The following ADHFE1 variants were observed in gnomAD, a reference collection of about 807,000 sequenced individuals.
The protein encoded by ADHFE1 is alcohol dehydrogenase iron containing 1, also known as hydroxyacid-oxoacid transhydrogenase, mitochondrial.
A neutral mutation model predicts 54.8 loss-of-function variants in ADHFE1; 37 were observed. That is an observed-to-expected ratio of 0.68 (90% CI 0.52 to 0.89). The LOEUF is 0.89. Ranked by LOEUF, ADHFE1 falls within the 40% of genes least tolerant of loss-of-function variation. ADHFE1 has a pLI of 0.00. For synonymous variants in ADHFE1, 203 were observed against 229.3 expected, an observed-to-expected ratio of 0.89 and a Z score of 1.04; for missense variants, 601 against 591.2, an observed-to-expected ratio of 1.02 and a Z score of -0.17.
chr8:66,448,868 T>A lies in ADHFE1; in HGVS notation c.632T>A (p.Ile211Asn). The A allele has an allele frequency of 3.1e-6, 5 of 1,613,854 alleles. No homozygotes were observed. The highest frequency in any genetic ancestry group is 4.2e-6 in the Non-Finnish European group (5 of 1,179,850). The change falls in exon 8 of 14, where the codon ATC becomes AAC. Residue 211 changes from isoleucine (I) to asparagine (N), a missense_variant. Transcript: ENST00000396623. The stretch of plus-strand genomic sequence containing the variant: ...ACTGAAAATCCTTATGTTTTAGGCA[T>A]CACTTCGAGAGCCATCAAACCCACA... ...DYEHLKVKIG[I>N]TSRAIKPTLG...
chr8:66,432,564 G>A lies in ADHFE1; in HGVS notation c.48G>A (p.Leu16=), dbSNP rs536258924. 5 of 1,345,806 alleles carry A rather than the reference G, an allele frequency of 3.7e-6. No homozygotes were observed. Among genetic ancestry groups the A allele is most frequent in the African/African-American group, 3.0e-5 (2 of 66,548 alleles). 83.4% of individuals were successfully genotyped at this position (1,345,806 alleles called of 1,614,324 possible). The change falls in exon 1 of 14, where the codon CTG becomes CTA. Residue 16 remains leucine (L), a synonymous_variant. Transcript: ENST00000396623. The part of the protein sequence containing the change: ...RARVAYLLRQ[L]QRAACQCPTH... Reference sequence around the variant, plus strand: ...GGGTCGCGTACTTGCTGAGGCAACTGCAACGCGCAGCGTGAGTGCGGGGCC... The same window carrying A: ...GGGTCGCGTACTTGCTGAGGCAACTACAACGCGCAGCGTGAGTGCGGGGCC...
At chr8:66,442,637 G>A (rs2130374149) in intron 2 of ADHFE1, among the ~76,000 whole-genome samples, 161 bp from the exon 3 acceptor site, 1 of 152,234 alleles carries the variant, frequency 6.6e-6, no homozygotes, top group Non-Finnish European at 1.5e-5. Flanking sequence ...TAAAATACAG[G>A]TATTGATTTT....
intron 8 of ADHFE1, among the ~76,000 whole-genome samples, chr8:66,450,253 C>A (rs991014880): frequency 3.9e-5 from 6 of 152,254 alleles, no homozygotes; most frequent in Non-Finnish European, 2.9e-5. Flanking sequence ...TCCTTCCTAA[C>A]TGTAAAGTAC....
intron 10 of ADHFE1, among the ~76,000 whole-genome samples, chr8:66,455,522 G>A (rs2130446733): frequency 6.6e-6 from 1 of 152,308 alleles, no homozygotes; most frequent in East Asian, 1.9e-4. Context: ...AGCATAAATT[G>A]GCAACACCTT....
At chr8:66,435,568 A>G (rs1343982119) in intron 1 of ADHFE1, among the ~76,000 whole-genome samples, 1 of 148,170 alleles carries the variant, frequency 6.7e-6, no homozygotes, top group Non-Finnish European at 1.5e-5. Flanking sequence ...TAGGGCCCAC[A>G]CAGATCATCC....
intron 13 of ADHFE1, among the ~76,000 whole-genome samples, chr8:66,467,728 C>A (rs1249822395): frequency 2.0e-5 from 3 of 152,040 alleles, no homozygotes; most frequent in Non-Finnish European, 4.4e-5. Context: ...TGAATTGACT[C>A]AATAATCATT....
intron 12 of ADHFE1, among the ~76,000 whole-genome samples, chr8:66,458,078 T>G (rs568849593): frequency 2.6e-4 from 40 of 152,328 alleles, no homozygotes; most frequent in Admixed American, 2.3e-3. Context: ...TTACCAGAAA[T>G]AAAATGATAT....
chr8:66,454,538 C>G (rs1806471766), intron 10 of ADHFE1, among the ~76,000 whole-genome samples: 2 of 151,764 alleles, frequency 1.3e-5, no homozygotes, highest in African/African-American at 4.8e-5. Flanking sequence ...TACAATTCAC[C>G]CATTTAAAAT....
intron 8 of ADHFE1, among the ~76,000 whole-genome samples, chr8:66,450,814 G>T (rs923928406): frequency 1.1e-4 from 16 of 152,272 alleles, no homozygotes; most frequent in African/African-American, 3.9e-4. Context: ...CCTCATTCTT[G>T]CATTATTCAC....
At chr8:66,440,532 T>C (rs1805695937) in intron 2 of ADHFE1, among the ~76,000 whole-genome samples, 1 of 152,236 alleles carries the variant, frequency 6.6e-6, no homozygotes, top group South Asian at 2.1e-4. Flanking sequence ...ATGAAGTCTT[T>C]GGAAGGTTCT....
chr8:66,460,341 C>T lies in ADHFE1; in HGVS notation c.1196C>T (p.Ala399Val). Residue 399 changes from alanine to valine, a missense_variant, in exon 13 of 14, where the codon GCA (alanine) becomes GTA (valine). Ala to Val is a moderately conservative substitution (Grantham distance 64). Transcript: ENST00000396623. ...ADTRTARIQD[A>V]GLVLADTLRK... The stretch of plus-strand genomic sequence containing the variant: ...ACCCGCACTGCCAGGATCCAAGATG[C>T]AGGGCTGGTGTTGGCAGACACGCTC... 1 of 1,614,166 alleles carries T rather than the reference C, an allele frequency of 6.2e-7. No individual in the cohort carries two copies. Among genetic ancestry groups the T allele is most frequent in the South Asian group, 1.1e-5 (1 of 91,076 alleles).
chr8:66,458,515 T>TTAC (rs1333862263), intron 12 of ADHFE1, among the ~76,000 whole-genome samples: 5 of 152,226 alleles, frequency 3.3e-5, no homozygotes, highest in African/African-American at 1.2e-4. Flanking sequence ...CCTTTGTGTA[T>TTAC]ATTCAAAGCA....
Position 66,448,960 on chromosome 8 carries a change from G to A in ADHFE1, c.724G>A (p.Asp242Asn), listed in dbSNP as rs1563490446. The change falls in exon 8 of 14, where the codon GAT becomes AAT. Residue 242 changes from aspartate to asparagine, a missense_variant. Asp to Asn is a conservative substitution (Grantham distance 23). Coordinates refer to ENST00000396623, the MANE Select transcript of ADHFE1 (RefSeq NM_144650.3). Reference sequence around the variant, plus strand: ...CCGAGTGGTCGCCAACAGTGGCTTTGATGTGCTTTGGTAAGTGCTGGTGCC... The same window carrying A: ...CCGAGTGGTCGCCAACAGTGGCTTTAATGTGCTTTGGTAAGTGCTGGTGCC... ...PARVVANSGF[D>N]VLCHALESYT... The A allele has an allele frequency of 1.2e-6, 2 of 1,614,066 alleles. No homozygotes were observed. Among genetic ancestry groups the A allele is most frequent in the South Asian group, 2.2e-5 (2 of 91,074 alleles).
chr8:66,458,019 G>A lies in ADHFE1; in HGVS notation c.1162+853G>A, dbSNP rs1806687165. 2.0e-5 allele frequency among the ~76,000 whole-genome samples: 3 copies of A among 152,220 alleles called. No homozygotes were observed. The South Asian group carries it at 6.2e-4, about 32-fold the overall frequency. On this transcript the variant is annotated intron_variant, in intron 12 of 13. Transcript: ENST00000396623. ...GAAAGAGGAGTCTGTTTGCCATACT[G>A]TAGAATAAATAATGTCAATAATAAG...
intron 3 of ADHFE1, among the ~76,000 whole-genome samples, chr8:66,443,308 C>T (rs79715277): frequency 9.8e-6 from 1 of 102,560 alleles, no homozygotes; most frequent in Non-Finnish European, 1.9e-5. Context: ...GAGACAGCCT[C>T]ACTCTGTCAC....
chr8:66,468,375 T>TA lies in ADHFE1; in HGVS notation c.*24dup. 6.3e-7 allele frequency: 1 copy of TA among 1,596,996 alleles called. No homozygotes were observed. Among genetic ancestry groups the TA allele is most frequent in the Non-Finnish European group, 8.6e-7 (1 of 1,167,890 alleles). On this transcript the variant is annotated 3_prime_UTR_variant, in exon 14 of 14. Transcript: ENST00000396623. ...TAATTGTCATTTTAACTGAAAGAATTACCGCTGGCCATTGTAGTGCTGAGA... is the reference window on the plus strand; with the variant it reads ...TAATTGTCATTTTAACTGAAAGAATTAACCGCTGGCCATTGTAGTGCTGAGA...
chr8:66,436,725 CA>C (rs1805485405), intron 1 of ADHFE1, among the ~76,000 whole-genome samples: 1 of 152,072 alleles, frequency 6.6e-6, no homozygotes, highest in African/African-American at 2.4e-5. Flanking sequence ...ACCATGAGAC[CA>C]GGGGAGGTCA....
In ADHFE1 at chr8:66,439,716, G is replaced by A. The variant is rs1805647653; in HGVS notation, c.60-446G>A. The A allele has an allele frequency of 1.0e-6, 1 of 990,828 alleles. No individual in the cohort carries two copies. Among genetic ancestry groups the A allele is most frequent in the Non-Finnish European group, 1.2e-6 (1 of 833,736 alleles). The allele number at this position is 990,828 out of a possible 1,614,324, so 61.4% of individuals were successfully genotyped here. A position where few individuals can be genotyped will look rare whatever the true frequency, so the allele number is the denominator to read the frequency against. On this transcript the variant is annotated intron_variant, in intron 1 of 13. Coordinates refer to ENST00000396623, the MANE Select transcript of ADHFE1 (RefSeq NM_144650.3). This position sits in a 1 kb window ranked among gnomAD's most constrained non-coding sequence, Gnocchi z 4.4. ...CTGAAGAAAAATTAGACATCTTGAA[G>A]ACACTGGGAAATATATAAGGCAAGT...
chr8:66,438,394 G>A (rs919290818), intron 1 of ADHFE1, among the ~76,000 whole-genome samples: 6 of 152,272 alleles, frequency 3.9e-5, no homozygotes, highest in Admixed American at 6.5e-5. Flanking sequence ...AACATTTAAG[G>A]AATGGGCAGA....
Sources: allele counts gnomAD v4.1 joint callset (sites outside exome capture counted in the v4.1 genomes callset), GRCh38; gene constraint gnomAD v4.1.1; non-coding constraint Gnocchi (gnomAD v3.1); transcripts MANE v1.5; gene names NCBI Gene and HGNC (gene_info 2026-07-23, HGNC 2026-07-21).